Variants in C2orf80 observed in about 807,000 individuals in gnomAD.
C2orf80 encodes uncharacterized protein C2orf80.
Under a neutral mutation model 30.2 loss-of-function variants are expected in C2orf80, and 28 were observed. That is an observed-to-expected ratio of 0.93 (90% confidence interval 0.69 to 1.27). The LOEUF is 1.27. C2orf80 is among the 50% of genes most tolerant of loss of function. The pLI, the probability that C2orf80 is intolerant of heterozygous loss-of-function variation, is 0.00. For synonymous variants in C2orf80, 80 were observed against 76.4 expected (o/e 1.05, Z -0.24); for missense variants, 220 against 231.0 (o/e 0.95, Z 0.31).
chr2:208,182,590 G>T (rs763822039), intron 4 of C2orf80, among the ~76,000 whole-genome samples: 1 of 152,208 alleles, frequency 6.6e-6, no homozygotes, highest in Non-Finnish European at 1.5e-5. Context: ...TAATAGAGGC[G>T]AGGTTTTACC....
chr2:208,182,695 C>A (rs1369504484), intron 4 of C2orf80, among the ~76,000 whole-genome samples: 1 of 152,224 alleles, frequency 6.6e-6, no homozygotes, highest in South Asian at 2.1e-4. Context: ...GCCACCGCGC[C>A]CGGCCCCTTA....
At chr2:208,188,666 G>T (rs1282225174) in intron 1 of C2orf80, among the ~76,000 whole-genome samples, 1 of 151,998 alleles carries the variant, frequency 6.6e-6, no homozygotes, top group Non-Finnish European at 1.5e-5. Context: ...GGCCAGGATG[G>T]TCTCCATCTC....
intron 7 of C2orf80, among the ~76,000 whole-genome samples, chr2:208,171,268 C>T (rs1211228627): frequency 6.6e-6 from 1 of 152,106 alleles, no homozygotes; most frequent in Non-Finnish European, 1.5e-5. Flanking sequence ...AACTCAGCCT[C>T]CTGAGTAGGT....
rs752756192 is a variant in C2orf80 at position 208,180,763 on chromosome 2, G to A, written c.348C>T (p.Ala116=). 3.1e-5 allele frequency: 50 copies of A among 1,613,152 alleles called. No homozygotes were observed. The Admixed American group carries it at 3.7e-4, about 12-fold the overall frequency. The change falls in exon 6 of 9, where the codon GCC becomes GCT. Residue 116 remains alanine, a synonymous_variant. Coordinates refer to ENST00000341287, the MANE Select transcript of C2orf80 (RefSeq NM_001099334.3). ...VFKIYGADSS[A]DSGTIKVPRV... ...CCCTTACCTTGATGGTACCAGAATC[G>A]GCAGAAGAATCAGCCCCATAAATTT...
At chr2:208,187,478 A>G (rs1287963412) in intron 1 of C2orf80, among the ~76,000 whole-genome samples, 1 of 152,054 alleles carries the variant, frequency 6.6e-6, no homozygotes, top group Non-Finnish European at 1.5e-5. Flanking sequence ...GGAGTTTTCC[A>G]TAGAATCCAT....
rs367737211 is a variant in C2orf80, at chr2:208,180,820, T to C, written c.295-4A>G. 1.3e-4 allele frequency: 216 copies of C among 1,611,698 alleles called. 1 individual carries two copies. The highest frequency in any genetic ancestry group is 4.9e-4 in the South Asian group (44 of 90,580). ...CTTCCTCAATCGGGATACTGTTCTGTTAAACAACAACAGCAATAACAAAGT... is the reference window on the plus strand; with the variant it reads ...CTTCCTCAATCGGGATACTGTTCTGCTAAACAACAACAGCAATAACAAAGT... On this transcript the variant is annotated splice_polypyrimidine_tract_variant and splice_region_variant and intron_variant, in intron 5 of 8. Transcript: ENST00000341287.
intron 8 of C2orf80, among the ~76,000 whole-genome samples, chr2:208,168,894 G>C (rs1040826898): frequency 6.6e-6 from 1 of 151,432 alleles, no homozygotes; most frequent in African/African-American, 2.4e-5. Flanking sequence ...CCAGAACTGA[G>C]CCTTTGATCA....
intron 8 of C2orf80, among the ~76,000 whole-genome samples, chr2:208,167,737 C>T (rs1559335587): frequency 6.6e-6 from 1 of 151,798 alleles, no homozygotes; most frequent in Non-Finnish European, 1.5e-5. Flanking sequence ...CCACCACACC[C>T]AGCTAATTTT....
chr2:208,178,048 C>A (rs1442267926), intron 6 of C2orf80, among the ~76,000 whole-genome samples: 4 of 151,912 alleles, frequency 2.6e-5, no homozygotes, highest in Admixed American at 2.6e-4. Context: ...AAACTCCTGA[C>A]CTCAGGTGAT....
At position 208,171,021 on chromosome 2, in the gene C2orf80, C is replaced by G. The variant is rs1255885361; in HGVS notation, c.497G>C (p.Ser166Thr). 1.9e-6 allele frequency: 3 copies of G among 1,614,030 alleles called. No individual in the cohort carries two copies. The African/African-American group carries it at 4.0e-5, about 22-fold the overall frequency. The stretch of plus-strand genomic sequence containing the variant: ...GGCATTTGCTTCCTTTGCAGAGATG[C>G]TGGTGGCATTTTTATTTGTTGTTAC... ...RKVTTNKNAT[S>T]ISAKEANATE... Residue 166 changes from serine (S) to threonine (T), a missense_variant, in exon 8 of 9, where the codon AGC becomes ACC. Ser to Thr is a moderately conservative substitution (Grantham distance 58, BLOSUM62 1). Coordinates refer to ENST00000341287, the MANE Select transcript of C2orf80 (RefSeq NM_001099334.3).
chr2:208,185,076 G>T, intron 2 of C2orf80, 44 bp from the exon 3 acceptor site: 1 of 1,479,822 alleles, frequency 6.8e-7, no homozygotes, highest in Non-Finnish European at 9.3e-7. Context: ...AGTGACACGG[G>T]CTCAGTCTGC....
chr2:208,176,513 C>T (rs1009080309), intron 6 of C2orf80, among the ~76,000 whole-genome samples: 1 of 152,176 alleles, frequency 6.6e-6, no homozygotes, highest in African/African-American at 2.4e-5. Context: ...CTCCTTGCAT[C>T]TAATGGGCAG....
In C2orf80 at chr2:208,185,008, A is replaced by G. The variant is rs1422684999; in HGVS notation, c.66T>C (p.Leu22=). ...CTTTTGGGTCAAATTCATTTTCCCG[A>G]AGTCTGATGCCAATATAATCTCCCC... ...KLLGDYIGIR[L]RENEFDPKGR... is the part of the protein sequence containing the mutation. The change falls in exon 3 of 9, where the codon CTT becomes CTC. Residue 22 remains leucine, a synonymous_variant. Transcript: ENST00000341287. 6.2e-7 allele frequency: 1 copy of G among 1,613,930 alleles called. No individual in the cohort carries two copies. Among genetic ancestry groups the G allele is most frequent in the East Asian group, 2.2e-5 (1 of 44,876 alleles).
intron 6 of C2orf80, among the ~76,000 whole-genome samples, chr2:208,173,509 C>T (rs976464997): frequency 6.6e-5 from 10 of 151,988 alleles, no homozygotes; most frequent in Non-Finnish European, 1.5e-4. Flanking sequence ...CCTGTTGTAC[C>T]AGCTACTTGG....
intron 8 of C2orf80, among the ~76,000 whole-genome samples, chr2:208,167,821 T>C (rs9808144): frequency 0.99 from 149,400 of 151,608 alleles, 73,633 homozygotes; most frequent in Middle Eastern, 1. Flanking sequence ...AGTAATCTGC[T>C]CTCCTTGGCC....
chr2:208,165,782 A>G lies in C2orf80; in HGVS notation c.*25T>C. 1 of 1,612,516 alleles carries G rather than the reference A, an allele frequency of 6.2e-7. No homozygotes were observed. Among genetic ancestry groups the G allele is most frequent in the Non-Finnish European group, 8.5e-7 (1 of 1,179,610 alleles). ...TCTGCTCCCAGAGAATCTATTATGA[A>G]GTTCCATGGTACAATTCCAATTTTC... On this transcript the variant is annotated 3_prime_UTR_variant, in exon 9 of 9. Coordinates refer to ENST00000341287, the MANE Select transcript of C2orf80 (RefSeq NM_001099334.3).
chr2:208,187,084 A>G, intron 1 of C2orf80, 23 bp from the exon 2 acceptor site: 1 of 1,139,490 alleles, frequency 8.8e-7, no homozygotes. Flanking sequence ...ATCAGAGAGA[A>G]TATGAGTTAG....
intron 8 of C2orf80, among the ~76,000 whole-genome samples, chr2:208,166,859 C>T (rs912731508): frequency 2.0e-5 from 3 of 152,080 alleles, no homozygotes; most frequent in Non-Finnish European, 4.4e-5. Flanking sequence ...ACCATGTTAG[C>T]CAGGATGGTC....
At position 208,185,170 on chromosome 2, in the gene C2orf80, T is replaced by C. The variant is rs934272236; in HGVS notation, c.42-138A>G. 44 of 595,154 alleles carry C rather than the reference T, an allele frequency of 7.4e-5. No homozygotes were observed. The East Asian group carries it at 1.2e-3, about 16-fold the overall frequency. 36.9% of individuals were successfully genotyped at this position (595,154 alleles called of 1,614,324 possible). ...GCAGATGCTCTGGTAGCTGAGTTAATATTCGGTTTTGGTTTACACGACAAT... is the reference window on the plus strand; with the variant it reads ...GCAGATGCTCTGGTAGCTGAGTTAACATTCGGTTTTGGTTTACACGACAAT... On this transcript the variant is annotated intron_variant, in intron 2 of 8. Coordinates refer to ENST00000341287, the MANE Select transcript of C2orf80 (RefSeq NM_001099334.3).
Sources: allele counts gnomAD v4.1 joint callset (sites outside exome capture counted in the v4.1 genomes callset), GRCh38; gene constraint gnomAD v4.1.1; transcripts MANE v1.5; gene names NCBI Gene and HGNC (gene_info 2026-07-23, HGNC 2026-07-21).